Variants in KCNH4 observed in about 807,000 individuals in gnomAD.
The protein encoded by KCNH4 is voltage-gated delayed rectifier potassium channel KCNH4.
KCNH4 carries 33 observed loss-of-function variants against 90.7 expected under a neutral mutation model. The ratio of observed to expected loss-of-function variants is 0.36; its 90% CI spans 0.28 to 0.49. The LOEUF is 0.49. Among genes scored for constraint, KCNH4 ranks in the 20% least tolerant of loss-of-function variants. The probability of loss-of-function intolerance (pLI) is 0.98; values close to 1 mark genes in which losing one functional copy is unlikely to be tolerated. For synonymous variants in KCNH4, 551 were observed against 581.7 expected (o/e 0.95, Z 0.76); for missense variants, 1,044 against 1,387.1 (o/e 0.75, Z 3.93).
chr17:42,174,683 C>CTCCCCA (rs2079849963), intron 6 of KCNH4, among the ~76,000 whole-genome samples: 1 of 152,084 alleles, frequency 6.6e-6, no homozygotes, highest in Non-Finnish European at 1.5e-5. Flanking sequence ...CCCAAGGGGG[C>CTCCCCA]CTGGGGACAC....
intron 1 of KCNH4, among the ~76,000 whole-genome samples, chr17:42,179,619 C>T (rs1490253586): frequency 1.3e-5 from 2 of 152,174 alleles, no homozygotes; most frequent in Non-Finnish European, 2.9e-5. Context: ...CTGATGACAC[C>T]ACACCCATTT....
rs1245914156 is a variant in KCNH4, at chr17:42,162,111, AT to A, written c.2658+136del. On this transcript the variant is annotated intron_variant, in intron 15 of 16. Coordinates refer to ENST00000264661, the MANE Select transcript of KCNH4 (RefSeq NM_012285.3). ...AGCTGGGACTACAGGTGCCTGGCTAATTTTTGTATTTTTTAGCAGAGATAGG... is the reference window on the plus strand; with the variant it reads ...AGCTGGGACTACAGGTGCCTGGCTAATTTTGTATTTTTTAGCAGAGATAGG... The A allele has an allele frequency of 4.6e-5, 31 of 673,582 alleles. No individual in the cohort carries two copies. The South Asian group carries it at 5.2e-4, about 11-fold the overall frequency. The allele number at this position is 673,582 out of a possible 1,614,324, so 41.7% of individuals were successfully genotyped here.
At chr17:42,167,919 G>A (rs900353744) in intron 9 of KCNH4, among the ~76,000 whole-genome samples, 3 of 152,066 alleles carry the variant, frequency 2.0e-5, no homozygotes, top group East Asian at 1.9e-4. Context: ...AGCCCATGTC[G>A]TGCCTTCCTG....
Position 42,181,029 on chromosome 17 carries a change from G to T in KCNH4, c.-84C>A. Reference sequence around the variant, plus strand: ...GAGGGGGCGCGCTGTCGGAGGGGCCGGGGCGCCCCATGCGCCCTCCTGCCT... The same window carrying T: ...GAGGGGGCGCGCTGTCGGAGGGGCCTGGGCGCCCCATGCGCCCTCCTGCCT... On this transcript the variant is annotated 5_prime_UTR_variant, in exon 1 of 17. Coordinates refer to ENST00000264661, the MANE Select transcript of KCNH4 (RefSeq NM_012285.3). 7.8e-7 allele frequency: 1 copy of T among 1,276,814 alleles called. No individual in the cohort carries two copies. Among genetic ancestry groups the T allele is most frequent in the Non-Finnish European group, 1.1e-6 (1 of 914,278 alleles). The allele number at this position is 1,276,814 out of a possible 1,614,324, so 79.1% of individuals were successfully genotyped here.
chr17:42,170,893 A>G (rs1231684858), intron 7 of KCNH4, among the ~76,000 whole-genome samples: 1 of 152,218 alleles, frequency 6.6e-6, no homozygotes, highest in Non-Finnish European at 1.5e-5. Flanking sequence ...GATTCCAGAG[A>G]GGAAAAGAAC....
chr17:42,171,781 G>A lies in KCNH4; in HGVS notation c.1195+7C>T, dbSNP rs199499526. The A allele has an allele frequency of 4.2e-5, 68 of 1,614,058 alleles. 2 individuals carry two copies. In the Admixed American group the frequency reaches 5.3e-4, roughly 13 times the overall value. On this transcript the variant is annotated splice_region_variant and intron_variant, in intron 7 of 16. Transcript: ENST00000264661. ...TGGTCTGTGAAAGTTTGGGGTCGGT[G>A]GCTCACCAATGTCCCAGAGCAGCGG...
intron 9 of KCNH4, among the ~76,000 whole-genome samples, chr17:42,168,267 A>G (rs1160960811): frequency 2.6e-5 from 4 of 152,208 alleles, no homozygotes; most frequent in Admixed American, 2.6e-4. Context: ...GCTGGCCCAA[A>G]GCAGGCACTC....
In KCNH4 at chr17:42,163,260, A is replaced by C; in HGVS notation, c.2552T>G (p.Leu851Arg). The C allele has an allele frequency of 6.2e-7, 1 of 1,614,054 alleles. No individual in the cohort carries two copies. Among genetic ancestry groups the C allele is most frequent in the African/African-American group, 1.3e-5 (1 of 75,038 alleles). The change falls in exon 14 of 17, where the codon CTG (leucine) becomes CGG (arginine). Residue 851 changes from leucine to arginine, a missense_variant. Around this residue, in one of 4 missense-constraint regions of KCNH4, gnomAD observed 441 missense variants for 512.3 expected, o/e 0.86. Transcript: ENST00000264661. This position sits in a 1 kb window ranked among gnomAD's most constrained non-coding sequence, Gnocchi z 5.4. ...PSFRFSRRPE[L>R]PRPRSQAPPT... ...GGGCGCCTGGGAGCGGGGCCTTGGC[A>C]GTTCAGGCCTCCTGCTGAATCGGAA... is the stretch of plus-strand genomic sequence containing the variant.
At chr17:42,175,476 T>G in intron 6 of KCNH4, 103 bp downstream of exon 6, 4 of 1,269,282 alleles carry the variant, frequency 3.2e-6, no homozygotes, top group Non-Finnish European at 4.6e-6. Context: ...TGCAGATGGA[T>G]TGATGGGAAG....
intron 2 of KCNH4, 106 bp from the exon 3 acceptor site, chr17:42,178,583 A>G (rs2079879232): frequency 7.2e-7 from 1 of 1,388,546 alleles, no homozygotes; most frequent in South Asian, 1.4e-5. Flanking sequence ...TTGGCAAAGC[A>G]AGAACCAAAA....
At position 42,178,832 on chromosome 17, in the gene KCNH4, G is replaced by A; in HGVS notation, c.271C>T (p.Gln91Ter). The change falls in exon 2 of 17, where the codon CAG becomes TAG. Residue 91 changes from glutamine to a stop codon, truncating the protein, a stop_gained. Coordinates refer to ENST00000264661, the MANE Select transcript of KCNH4 (RefSeq NM_012285.3). LOFTEE classifies it high-confidence loss of function. ...QRLHKALEGH[Q>*]EHRAEICFYR... ...AAGCAGATTTCAGCCCGGTGCTCCT[G>A]GTGGCCCTCCAGGGCTTTGTGCAGA... is the stretch of plus-strand genomic sequence containing the variant. 1 of 1,614,006 alleles carries A rather than the reference G, an allele frequency of 6.2e-7. No homozygotes were observed. Among genetic ancestry groups the A allele is most frequent in the Non-Finnish European group, 8.5e-7 (1 of 1,180,014 alleles).
chr17:42,173,389 CCCCAGCT>C (rs1203721394), intron 6 of KCNH4, among the ~76,000 whole-genome samples: 1 of 152,142 alleles, frequency 6.6e-6, no homozygotes, highest in Non-Finnish European at 1.5e-5. Flanking sequence ...TAATGCCTAC[CCCCAGCT>C]CCCAGAGCCC....
chr17:42,179,816 T>C (rs2079888633), intron 1 of KCNH4, among the ~76,000 whole-genome samples: 1 of 152,234 alleles, frequency 6.6e-6, no homozygotes. Context: ...GCATTGAGCG[T>C]ATAGCTCCAG....
chr17:42,158,074 A>T (rs984925878), intron 16 of KCNH4, among the ~76,000 whole-genome samples: 1 of 151,714 alleles, frequency 6.6e-6, no homozygotes, highest in Admixed American at 6.6e-5. Flanking sequence ...GATTACAGGC[A>T]TGCACCACCA....
intron 9 of KCNH4, 66 bp downstream of exon 9, chr17:42,169,411 T>C (rs2144130013): frequency 6.9e-7 from 1 of 1,448,212 alleles, no homozygotes; most frequent in East Asian, 2.3e-5. Flanking sequence ...GGGCAGCGAC[T>C]CCTTCCCCAC....
chr17:42,170,053 C>G, intron 8 of KCNH4, 54 bp downstream of exon 8: 2 of 1,509,814 alleles, frequency 1.3e-6, no homozygotes, highest in East Asian at 2.3e-5. Context: ...TCAGTTTCCC[C>G]GTGCATGCTG....
At chr17:42,172,084 C>T (rs2079831425) in intron 6 of KCNH4, 89 bp from the exon 7 acceptor site, 1 of 1,127,148 alleles carries the variant, frequency 8.9e-7, no homozygotes, top group Non-Finnish European at 1.3e-6. Flanking sequence ...ACCAGACAAC[C>T]TGGAGCCAGG....
In KCNH4 at chr17:42,160,051, T is replaced by A; in HGVS notation, c.3043A>T (p.Thr1015Ser). The change falls in exon 16 of 17, where the codon ACG (threonine) becomes TCG (serine). Residue 1015 changes from threonine to serine, a missense_variant. This residue lies in a region of KCNH4 where 441 missense variants were observed against 512.3 expected (regional missense o/e 0.86). Transcript: ENST00000264661. ...GCCCTGGGCCAGGGTCAGTGGAACG[T>A]GTCTGACCTGGACTGGAAACTGTGC... ...LRHSFQSRSD[T>S]FH 1.5e-5 allele frequency: 23 copies of A among 1,530,526 alleles called. No homozygotes were observed. The highest frequency in any genetic ancestry group is 2.0e-5 in the Non-Finnish European group (23 of 1,136,836). 94.8% of individuals were successfully genotyped at this position (1,530,526 alleles called of 1,614,324 possible). A position where few individuals can be genotyped will look rare whatever the true frequency, so the allele number is the denominator to read the frequency against.
At chr17:42,174,361 G>A (rs926593896) in intron 6 of KCNH4, among the ~76,000 whole-genome samples, 1 of 152,164 alleles carries the variant, frequency 6.6e-6, no homozygotes, top group African/African-American at 2.4e-5. Context: ...CTCCCAAAGG[G>A]ACCTGAGAGG....
Sources: gnomAD v4.1 joint callset for allele counts (sites outside exome capture counted in the v4.1 genomes callset) on GRCh38, gnomAD v4.1.1 for gene constraint, gnomAD v4.1.1 regional missense constraint, Gnocchi (gnomAD v3.1) non-coding constraint, MANE v1.5 for transcripts, NCBI Gene and HGNC (gene_info 2026-07-23, HGNC 2026-07-21) for gene names.